Variants in TRIM46 observed in about 807,000 individuals in gnomAD.
TRIM46 encodes the protein tripartite motif-containing protein 46.
A neutral mutation model predicts 69.7 loss-of-function variants in TRIM46; 17 were observed. The observed-to-expected ratio is 0.24, with a 90% CI of 0.17 to 0.37. TRIM46 has a LOEUF of 0.37. Ranked by LOEUF, TRIM46 falls within the 10% of genes least tolerant of loss-of-function variation. TRIM46 has a pLI of 1.00. For synonymous variants in TRIM46, 391 were observed against 429.0 expected (o/e 0.91, Z 1.09); for missense variants, 675 against 1,025.1 (o/e 0.66, Z 4.66).
rs1206505006 is a variant in TRIM46, at chr1:155,174,793, G to C, written c.64-593G>C. The C allele has an allele frequency of 2.1e-6, 3 of 1,455,814 alleles. No individual in the cohort carries two copies. The Admixed American group carries it at 7.6e-5, about 37-fold the overall frequency. 90.2% of individuals were successfully genotyped at this position (1,455,814 alleles called of 1,614,324 possible). A position where few individuals can be genotyped will look rare whatever the true frequency, so the allele number is the denominator to read the frequency against. ...GGTGCCGCTGACCGGGTTGCGCTGCGGGAGAGGGCGGGAGGGCCTGATGGG... is the reference window on the plus strand; with the variant it reads ...GGTGCCGCTGACCGGGTTGCGCTGCCGGAGAGGGCGGGAGGGCCTGATGGG... On this transcript the variant is annotated intron_variant, in intron 1 of 9. Coordinates refer to ENST00000334634, the MANE Select transcript of TRIM46 (RefSeq NM_025058.5).
intron 9 of TRIM46, chr1:155,182,798 G>A (rs1238642432): frequency 7.0e-6 from 1 of 143,332 alleles, no homozygotes; most frequent in Non-Finnish European, 1.5e-5. Context: ...AGCCAAGATT[G>A]TGTCATTGCA....
At chr1:155,174,600 GC>G in intron 1 of TRIM46, 1 of 1,528,510 alleles carries the variant, frequency 6.5e-7, no homozygotes, top group South Asian at 1.2e-5. Context: ...CTTTGTGTCA[GC>G]TGCGCCCCTG....
Position 155,176,983 on chromosome 1 carries a change from T to G in TRIM46, c.721T>G (p.Cys241Gly), listed in dbSNP as rs562053405. The G allele has an allele frequency of 6.2e-7, 1 of 1,614,180 alleles. No individual in the cohort carries two copies. Among genetic ancestry groups the G allele is most frequent in the African/African-American group, 1.3e-5 (1 of 75,048 alleles). The change falls in exon 4 of 10, where the codon TGC (cysteine) becomes GGC (glycine). Residue 241 changes from cysteine (C) to glycine (G), a missense_variant. Coordinates refer to ENST00000334634, the MANE Select transcript of TRIM46 (RefSeq NM_025058.5). Reference sequence around the variant, plus strand: ...AGAGGTGACCCACTACTGCAAGACATGCCAACGCCTGGTATGTCAACTCTG... The same window carrying G: ...AGAGGTGACCCACTACTGCAAGACAGGCCAACGCCTGGTATGTCAACTCTG... ...KEEVTHYCKT[C>G]QRLVCQLCRV...
chr1:155,179,967 G>A (rs777581557), intron 8 of TRIM46, 33 bp downstream of exon 8: 24 of 1,548,390 alleles, frequency 1.6e-5, no homozygotes, highest in Non-Finnish European at 2.1e-5. Context: ...TCGTGCAAAG[G>A]GCATGGGGTA....
intron 1 of TRIM46, chr1:155,174,775 C>A (rs936348230): frequency 1.6e-5 from 24 of 1,461,606 alleles, no homozygotes; most frequent in South Asian, 2.7e-5. Flanking sequence ...GGGGGTGCCG[C>A]TGACCGGGTT....
At chr1:155,174,566 T>TC (rs1463793019) in intron 1 of TRIM46, 15 of 1,486,060 alleles carry the variant, frequency 1.0e-5, no homozygotes, top group East Asian at 7.7e-5. Flanking sequence ...CACCACTTCC[T>TC]CCCCCCCTCC....
At chr1:155,180,106 A>G (rs541229574) in intron 8 of TRIM46, among the ~76,000 whole-genome samples, 172 bp downstream of exon 8, 3 of 152,240 alleles carry the variant, frequency 2.0e-5, no homozygotes, top group Non-Finnish European at 4.4e-5. Flanking sequence ...GCCTCTTGCC[A>G]ACTGTGTGGG....
chr1:155,174,491 G>A, intron 1 of TRIM46: 2 of 1,425,520 alleles, frequency 1.4e-6, no homozygotes, highest in Non-Finnish European at 1.8e-6. Flanking sequence ...CTGCTTCCGA[G>A]CCTGCGGTTG....
Position 155,178,178 on chromosome 1 carries a change from G to T in TRIM46, c.1086G>T (p.Leu362=). 1 of 1,614,052 alleles carries T rather than the reference G, an allele frequency of 6.2e-7. No individual in the cohort carries two copies. The highest frequency in any genetic ancestry group is 8.5e-7 in the Non-Finnish European group (1 of 1,179,910). The change falls in exon 6 of 10, where the codon CTG becomes CTT. Residue 362 remains leucine (L), a synonymous_variant. Coordinates refer to ENST00000334634, the MANE Select transcript of TRIM46 (RefSeq NM_025058.5). ...GGAGCCTGCTGGATGGCTCAGGTCT[G>T]GTGGGCTATGCCCAGGAAGTACTTA... ...EHRSLLDGSG[L]VGYAQEVLKE...
rs767227953 is a variant in TRIM46 at position 155,179,614 on chromosome 1, C to T, written c.1286-18C>T. ...CAGTGGCCAGGCCCTGACTGACACC[C>T]GCTGTCTCTTCCAACAGTGCCTGAG... On this transcript the variant is annotated intron_variant, in intron 7 of 9. Coordinates refer to ENST00000334634, the MANE Select transcript of TRIM46 (RefSeq NM_025058.5). The T allele has an allele frequency of 1.0e-5, 16 of 1,572,626 alleles. No homozygotes were observed. The highest frequency in any genetic ancestry group is 4.0e-5 in the African/African-American group (3 of 74,504).
rs900729916 is a variant in TRIM46, at chr1:155,181,112, C to A, written c.1589-740C>A. On this transcript the variant is annotated intron_variant, in intron 8 of 9. Coordinates refer to ENST00000334634, the MANE Select transcript of TRIM46 (RefSeq NM_025058.5). This position sits in a 1 kb window ranked among gnomAD's most constrained non-coding sequence, Gnocchi z 4.3. ...ATAATTAGCTGGGTGTGGTTGCAGG[C>A]GCCTGTAATCCCAGCTACTTGGAAG... Among the ~76,000 whole-genome samples the A allele has an allele frequency of 7.0e-6, 1 of 142,124 alleles. No individual in the cohort carries two copies. Among genetic ancestry groups the A allele is most frequent in the Admixed American group, 7.0e-5 (1 of 14,202 alleles). 93.2% of individuals were successfully genotyped at this position (142,124 alleles called of 152,430 possible).
chr1:155,178,739 T>TTGGCC, intron 7 of TRIM46, 126 bp downstream of exon 7: 407 of 1,347,088 alleles, frequency 3.0e-4, no homozygotes, highest in Non-Finnish European at 3.8e-4. Context: ...CAGCCATTCC[T>TTGGCC]CCCACCCAGC....
intron 5 of TRIM46, among the ~76,000 whole-genome samples, chr1:155,177,687 GC>G (rs981335961): frequency 1.3e-5 from 2 of 152,196 alleles, no homozygotes; most frequent in African/African-American, 4.8e-5. Context: ...TGGCATAGAT[GC>G]CAGTGGACAT....
chr1:155,176,427 A>G (rs559992725), intron 3 of TRIM46, among the ~76,000 whole-genome samples, 196 bp downstream of exon 3: 1 of 152,232 alleles, frequency 6.6e-6, no homozygotes, highest in Non-Finnish European at 1.5e-5. Flanking sequence ...ACATCCCTGT[A>G]GGGGGATGGT....
rs1452362585 is a variant in TRIM46 at position 155,175,989 on chromosome 1, G to A, written c.427G>A (p.Gly143Ser). ...AGGTGATGTGGAGCTTGGGGAGCGGGGTCTGGCAGGGCTTTTCCGGAACCT... is the reference window on the plus strand; with the variant it reads ...AGGTGATGTGGAGCTTGGGGAGCGGAGTCTGGCAGGGCTTTTCCGGAACCT... Reference protein sequence around the residue: ...CQGDVELGERGLAGLFRNLTL... With the variant: ...CQGDVELGERSLAGLFRNLTL... The change falls in exon 3 of 10, where the codon GGT (glycine) becomes AGT (serine). Residue 143 changes from glycine to serine, a missense_variant. Physicochemically the swap from Gly to Ser is moderately conservative, Grantham distance 56. Around this residue, in one of 5 missense-constraint regions of TRIM46, gnomAD observed 170 missense variants for 255.6 expected, o/e 0.67. Coordinates refer to ENST00000334634, the MANE Select transcript of TRIM46 (RefSeq NM_025058.5). The surrounding 1 kb of genome is among the most constrained non-coding windows in gnomAD (Gnocchi z 4.2). 1 of 1,613,566 alleles carries A rather than the reference G, an allele frequency of 6.2e-7. No homozygotes were observed. Among genetic ancestry groups the A allele is most frequent in the African/African-American group, 1.3e-5 (1 of 74,916 alleles).
At chr1:155,174,465 G>T in intron 1 of TRIM46, 1 of 1,357,098 alleles carries the variant, frequency 7.4e-7, no homozygotes, top group Admixed American at 2.9e-5. Context: ...CCCACCCCAC[G>T]CACCCCCACT....
At chr1:155,182,223 G>T in intron 9 of TRIM46, 74 bp downstream of exon 9, 1 of 1,353,456 alleles carries the variant, frequency 7.4e-7, no homozygotes, top group Non-Finnish European at 1.0e-6. Context: ...GTGGCAAGTG[G>T]AGCACAGACT....
intron 1 of TRIM46, chr1:155,174,856 T>G: frequency 7.1e-7 from 1 of 1,409,448 alleles, no homozygotes; most frequent in East Asian, 2.7e-5. Context: ...GATGGGGAAG[T>G]GAAGGATGGG....
rs1557819752 is a variant in TRIM46, at chr1:155,184,005, C to T, written c.2095C>T (p.Arg699Trp). The change falls in exon 10 of 10, where the codon CGG (arginine) becomes TGG (tryptophan). Residue 699 changes from arginine to tryptophan, a missense_variant. Arg to Trp is a moderately radical substitution (Grantham distance 101). Around this residue, in one of 5 missense-constraint regions of TRIM46, gnomAD observed 108 missense variants for 153.0 expected, o/e 0.71. Transcript: ENST00000334634. The surrounding 1 kb of genome is among the most constrained non-coding windows in gnomAD (Gnocchi z 5.6). ...PRLGICLDYE[R>W]GRVSFLDAVS... ...CCTGGGCATCTGCCTGGACTATGAGCGGGGCCGGGTTTCCTTCCTGGATGC... is the reference window on the plus strand; with the variant it reads ...CCTGGGCATCTGCCTGGACTATGAGTGGGGCCGGGTTTCCTTCCTGGATGC... 5 of 1,614,130 alleles carry T rather than the reference C, an allele frequency of 3.1e-6. No homozygotes were observed. Among genetic ancestry groups the T allele is most frequent in the Non-Finnish European group, 3.4e-6 (4 of 1,180,046 alleles).
Sources: gnomAD v4.1 joint callset for allele counts (sites outside exome capture counted in the v4.1 genomes callset) on GRCh38, gnomAD v4.1.1 for gene constraint, gnomAD v4.1.1 regional missense constraint, Gnocchi (gnomAD v3.1) non-coding constraint, MANE v1.5 for transcripts, NCBI Gene and HGNC (gene_info 2026-07-23, HGNC 2026-07-21) for gene names.